Variants in CCSER1 observed in about 807,000 individuals in gnomAD.
The protein encoded by CCSER1 is serine-rich coiled-coil domain-containing protein 1.
CCSER1 carries 41 observed loss-of-function variants against 82.0 expected under a neutral mutation model. That is an observed-to-expected ratio of 0.50 (90% CI 0.39 to 0.65). The LOEUF (loss-of-function observed/expected upper bound fraction) is 0.65. Ranked by LOEUF, CCSER1 falls within the 30% of genes least tolerant of loss-of-function variation. The pLI, the probability that CCSER1 is intolerant of heterozygous loss-of-function variation, is 0.00. For missense variants in CCSER1, 1,119 were observed against 1,064.2 expected, an observed-to-expected ratio of 1.05 and a Z score of -0.72; for synonymous variants, 414 against 383.9, an observed-to-expected ratio of 1.08 and a Z score of -0.92.
chr4:91,524,130 A>C (rs1337482298), intron 10 of CCSER1, among the ~76,000 whole-genome samples: 1 of 152,190 alleles, frequency 6.6e-6, no homozygotes, highest in African/African-American at 2.4e-5. Flanking sequence ...ATTTGTTTAA[A>C]TTGAGTTTCA....
chr4:90,665,467 A>G (rs933848613), intron 6 of CCSER1, among the ~76,000 whole-genome samples: 15 of 151,832 alleles, frequency 9.9e-5, no homozygotes, highest in East Asian at 7.8e-4. Context: ...GACTACAGGC[A>G]CCCGCCACCT....
chr4:91,569,244 C>T (rs1763044412), intron 10 of CCSER1, among the ~76,000 whole-genome samples: 1 of 152,156 alleles, frequency 6.6e-6, no homozygotes, highest in Non-Finnish European at 1.5e-5. Flanking sequence ...CATGTTCCTT[C>T]TCATTGCTCT....
chr4:91,586,138 G>A (rs924210008), intron 10 of CCSER1, among the ~76,000 whole-genome samples: 8 of 151,456 alleles, frequency 5.3e-5, no homozygotes, highest in African/African-American at 1.9e-4. Context: ...TTTCTTTGTG[G>A]TCTCCACTCA....
Position 90,421,836 on chromosome 4 carries a change from G to C in CCSER1, c.1603+21707G>C, listed in dbSNP as rs185059028. Reference sequence around the variant, plus strand: ...TGTTGATGCTTTTTATTGAAAAATTGGTGGGTCTTTGGGGACAGTCAGTGG... The same window carrying C: ...TGTTGATGCTTTTTATTGAAAAATTCGTGGGTCTTTGGGGACAGTCAGTGG... On this transcript the variant is annotated intron_variant, in intron 4 of 10. Transcript: ENST00000509176. Among the ~76,000 whole-genome samples the C allele has an allele frequency of 4.5e-3, 679 of 152,132 alleles. 3 individuals are homozygous for C. The highest frequency in any genetic ancestry group is 7.3e-3 in the Non-Finnish European group (496 of 67,982).
intron 10 of CCSER1, among the ~76,000 whole-genome samples, chr4:91,379,364 G>A (rs1279024111): frequency 3.9e-5 from 6 of 152,162 alleles, no homozygotes; most frequent in African/African-American, 1.4e-4. Context: ...GAATTCGGCT[G>A]TGAATCCGTC....
At chr4:91,266,291 G>T (rs1292119289) in intron 10 of CCSER1, among the ~76,000 whole-genome samples, 6 of 150,654 alleles carry the variant, frequency 4.0e-5, no homozygotes, top group African/African-American at 1.5e-4. Context: ...TCACTCTGTT[G>T]GCCCAGGCTG....
chr4:91,318,897 T>G (rs1746004772), intron 10 of CCSER1: 1 of 154,326 alleles, frequency 6.5e-6, no homozygotes, highest in Non-Finnish European at 1.5e-5. Context: ...TAGTTTTTGG[T>G]TTTTTGTTTT....
intron 10 of CCSER1, among the ~76,000 whole-genome samples, chr4:91,246,825 CAT>C (rs1553916500): frequency 4.3e-5 from 5 of 116,568 alleles, no homozygotes; most frequent in Non-Finnish European, 7.3e-5. Context: ...CACATACACA[CAT>C]ACACACACAC....
chr4:91,462,098 CAG>C (rs1367925292), intron 10 of CCSER1, among the ~76,000 whole-genome samples: 5 of 152,052 alleles, frequency 3.3e-5, no homozygotes, highest in African/African-American at 4.8e-5. Context: ...TGAAACTTTT[CAG>C]AGATTATATA....
At chr4:90,387,653 C>A (rs1750267407) in intron 3 of CCSER1, among the ~76,000 whole-genome samples, 1 of 152,146 alleles carries the variant, frequency 6.6e-6, no homozygotes, top group Non-Finnish European at 1.5e-5. Context: ...GTCAATGATA[C>A]CTGAGTAATG....
chr4:90,887,932 CAA>C (rs1722393936), intron 8 of CCSER1, among the ~76,000 whole-genome samples: 1 of 151,018 alleles, frequency 6.6e-6, no homozygotes, highest in South Asian at 2.1e-4. Flanking sequence ...TAGAAATCAA[CAA>C]TGACAGAGAG....
intron 3 of CCSER1, among the ~76,000 whole-genome samples, chr4:90,365,016 C>A (rs1374476372): frequency 1.3e-5 from 2 of 151,678 alleles, no homozygotes; most frequent in African/African-American, 4.8e-5. Flanking sequence ...GGCCTAAACT[C>A]AGGACAAAAT....
intron 8 of CCSER1, among the ~76,000 whole-genome samples, chr4:90,916,125 A>G (rs1727358981): frequency 6.6e-6 from 1 of 152,202 alleles, no homozygotes; most frequent in East Asian, 1.9e-4. Context: ...ATCCCCATCA[A>G]GCTACCAATG....
intron 3 of CCSER1, among the ~76,000 whole-genome samples, chr4:90,379,755 G>A (rs573984686): frequency 6.6e-6 from 1 of 152,250 alleles, no homozygotes; most frequent in South Asian, 2.1e-4. Flanking sequence ...TTCTCACATT[G>A]CTCTAAAGAA....
At chr4:91,392,934 C>T (rs776952050) in intron 10 of CCSER1, among the ~76,000 whole-genome samples, 3 of 152,076 alleles carry the variant, frequency 2.0e-5, no homozygotes, top group Non-Finnish European at 4.4e-5. Flanking sequence ...CCCCACCCCT[C>T]GAGTTTTTGA....
intron 3 of CCSER1, among the ~76,000 whole-genome samples, chr4:90,348,522 C>G (rs993476303): frequency 1.3e-5 from 2 of 152,044 alleles, no homozygotes; most frequent in Non-Finnish European, 2.9e-5. Context: ...ATGCTATATT[C>G]CAGCTACATT....
At chr4:90,444,171 G>T (rs1222882385) in intron 4 of CCSER1, among the ~76,000 whole-genome samples, 1 of 151,922 alleles carries the variant, frequency 6.6e-6, no homozygotes, top group Admixed American at 6.6e-5. Flanking sequence ...TTCAGAAGTG[G>T]TATGGAATTA....
intron 9 of CCSER1, among the ~76,000 whole-genome samples, chr4:91,032,131 T>C (rs4692959): frequency 0.34 from 51,559 of 151,996 alleles, 10,576 homozygotes; most frequent in East Asian, 0.58. Flanking sequence ...TTGCATAACT[T>C]TACATATTGT....
intron 10 of CCSER1, among the ~76,000 whole-genome samples, chr4:91,459,425 C>T (rs1756377762): frequency 6.6e-6 from 1 of 151,956 alleles, no homozygotes; most frequent in Non-Finnish European, 1.5e-5. Flanking sequence ...GATTCCTAAG[C>T]CAGCATCCTA....
Sources: allele counts gnomAD v4.1 joint callset (sites outside exome capture counted in the v4.1 genomes callset), GRCh38; gene constraint gnomAD v4.1.1; transcripts MANE v1.5; gene names NCBI Gene and HGNC (gene_info 2026-07-23, HGNC 2026-07-21).